Variants in RPS6KA3 observed in about 807,000 individuals in gnomAD.
RPS6KA3 encodes ribosomal protein S6 kinase alpha-3.
Under a neutral mutation model 67.2 loss-of-function variants are expected in RPS6KA3, and 4 were observed. The ratio of observed to expected loss-of-function variants is 0.06; its 90% confidence interval spans 0.03 to 0.14. RPS6KA3 has a LOEUF of 0.14. Among genes scored for constraint, RPS6KA3 ranks in the 10% least tolerant of loss-of-function variants. RPS6KA3 has a pLI of 1.00. For synonymous variants in RPS6KA3, 182 were observed against 183.7 expected (o/e 0.99, Z 0.07); for missense variants, 204 against 559.0 (o/e 0.36, Z 6.40).
chrX:20,222,781 A>G (rs1347549654), intron 2 of RPS6KA3, among the ~76,000 whole-genome samples: 1 of 111,873 alleles, frequency 8.9e-6, no homozygotes, highest in East Asian at 2.8e-4. Context: ...AATAATCTTA[A>G]AACAGAAAGC....
In RPS6KA3 at chrX:20,183,310, C is replaced by T. The variant is rs770237779; in HGVS notation, c.845+2986G>A. ...GCATCCTTGACCTCCTGGGCTCAAG[C>T]GATTCTCCCACCTCAGCCTCCCAAG... On this transcript the variant is annotated intron_variant, in intron 10 of 21. Coordinates refer to ENST00000379565, the MANE Select transcript of RPS6KA3 (RefSeq NM_004586.3). Among the ~76,000 whole-genome samples the T allele has an allele frequency of 7.9e-4, 87 of 110,342 alleles. 1 individual carries two copies. Among genetic ancestry groups the T allele is most frequent in the African/African-American group, 2.8e-3 (85 of 30,325 alleles).
chrX:20,216,131 AACTT>A (rs1464240644), intron 2 of RPS6KA3, among the ~76,000 whole-genome samples: 2 of 112,162 alleles, frequency 1.8e-5, no homozygotes, highest in African/African-American at 6.5e-5. Flanking sequence ...TACCACAAAA[AACTT>A]ACTTTGTGCA....
At chrX:20,236,220 T>A (rs1352575955) in intron 1 of RPS6KA3, among the ~76,000 whole-genome samples, 3 of 111,925 alleles carry the variant, frequency 2.7e-5, no homozygotes, top group African/African-American at 9.7e-5. Flanking sequence ...TATTTTTGCT[T>A]ATTTGAATAT....
At chrX:20,229,623 C>T (rs151095828) in intron 2 of RPS6KA3, among the ~76,000 whole-genome samples, 2 of 112,296 alleles carry the variant, frequency 1.8e-5, no homozygotes, top group African/African-American at 3.2e-5. Flanking sequence ...AACATCTCAA[C>T]GTTCCCTATG....
At chrX:20,194,353 C>T in intron 5 of RPS6KA3, 85 bp from the exon 6 acceptor site, 1 of 549,193 alleles carries the variant, frequency 1.8e-6, no homozygotes, top group Non-Finnish European at 3.1e-6. Context: ...AATATTTTAA[C>T]AAATTAATTA....
At chrX:20,171,073 C>G (rs979419966) in intron 15 of RPS6KA3, among the ~76,000 whole-genome samples, 2 of 112,291 alleles carry the variant, frequency 1.8e-5, no homozygotes, top group Non-Finnish European at 3.8e-5. Context: ...GACACTATGT[C>G]TGGCATGATT....
chrX:20,266,944 C>T, upstream of RPS6KA3: 1 of 708,262 alleles, frequency 1.4e-6, no homozygotes, highest in Non-Finnish European at 1.7e-6. Flanking sequence ...ACTACGGCTC[C>T]GCCCCCCCCG....
intron 4 of RPS6KA3, among the ~76,000 whole-genome samples, chrX:20,199,410 A>G (rs928423173): frequency 2.7e-5 from 3 of 112,136 alleles, no homozygotes; most frequent in Admixed American, 1.9e-4. Flanking sequence ...AAATAATCAG[A>G]GAACAAGAAA....
At position 20,212,781 on chromosome X, in the gene RPS6KA3, A is replaced by T. The variant is rs186480358; in HGVS notation, c.127-3377T>A. ...AGTGTCTCCCTTTGGTCCCTTCAGT[A>T]TAACAACCACATACCGAAACACTTA... On this transcript the variant is annotated intron_variant, in intron 2 of 21. Coordinates refer to ENST00000379565, the MANE Select transcript of RPS6KA3 (RefSeq NM_004586.3). 1.8e-4 allele frequency among the ~76,000 whole-genome samples: 20 copies of T among 111,466 alleles called. No individual in the cohort carries two copies. The East Asian group carries it at 4.0e-3, about 22-fold the overall frequency.
Position 20,187,894 on chromosome X carries a change from A to G in RPS6KA3, c.708T>C (p.Ala236=), listed in dbSNP as rs1375868770. The change falls in exon 9 of 22, where the codon GCT becomes GCC. Residue 236 remains alanine (A), a synonymous_variant. Transcript: ENST00000379565. ...YSFCGTVEYM[A]PEVVNRRGHT... ...GACCTCGACGATTAACTACTTCTGG[A>G]GCCATATACTCCACAGTTCCACAAA... The G allele has an allele frequency of 8.3e-7, 1 of 1,200,867 alleles. No homozygotes were observed. Among genetic ancestry groups the G allele is most frequent in the Non-Finnish European group, 1.1e-6 (1 of 885,664 alleles).
At chrX:20,263,034 T>C (rs1334331360) in intron 1 of RPS6KA3, among the ~76,000 whole-genome samples, 3 of 111,849 alleles carry the variant, frequency 2.7e-5, no homozygotes, top group Non-Finnish European at 5.7e-5. Flanking sequence ...GCATCATGGG[T>C]ACCTGTTATT....
chrX:20,172,531 G>A (rs1467707683), intron 15 of RPS6KA3, among the ~76,000 whole-genome samples: 1 of 111,543 alleles, frequency 9.0e-6, no homozygotes, highest in African/African-American at 3.3e-5. Flanking sequence ...CACTTGAGGT[G>A]TAAACTGCTA....
At chrX:20,266,988 A>T (rs1301603277), upstream of RPS6KA3, 1 of 743,703 alleles carries the variant, frequency 1.3e-6, no homozygotes, top group Non-Finnish European at 1.6e-6. Context: ...CAGAACAGCG[A>T]CCGCCGCGCG....
In RPS6KA3 at chrX:20,153,288, G is replaced by T. The variant is rs751632956; in HGVS notation, c.*2110C>A. On this transcript the variant is annotated 3_prime_UTR_variant, in exon 22 of 22. Coordinates refer to ENST00000379565, the MANE Select transcript of RPS6KA3 (RefSeq NM_004586.3). ...CTTTTAATAGCATCCATATATTCAA[G>T]AATTTGAAAATACTTTCTCTATCTA... The T allele has an allele frequency of 6.2e-5, 7 of 112,025 alleles. No homozygotes were observed. In the East Asian group the frequency reaches 1.1e-3, roughly 18 times the overall value. The allele number at this position is 112,025 out of a possible 1,213,427, so 9.2% of individuals were successfully genotyped here.
At position 20,175,496 on chromosome X, in the gene RPS6KA3, T is replaced by G. The variant is rs112508459; in HGVS notation, c.1103-208A>C. On this transcript the variant is annotated intron_variant, in intron 13 of 21. Transcript: ENST00000379565. Reference sequence around the variant, plus strand: ...ATTACAACACCAACATCCTAGTCCCTCGGAGCCTAGAAAATAGCTAATTCA... The same window carrying G: ...ATTACAACACCAACATCCTAGTCCCGCGGAGCCTAGAAAATAGCTAATTCA... Among the ~76,000 whole-genome samples the G allele has an allele frequency of 0.024, 2,656 of 111,736 alleles. 81 individuals are homozygous for G. The highest frequency in any genetic ancestry group is 0.082 in the African/African-American group (2,504 of 30,701).
At chrX:20,192,544 AAAC>A (rs1355985937) in intron 7 of RPS6KA3, among the ~76,000 whole-genome samples, 3 of 109,708 alleles carry the variant, frequency 2.7e-5, no homozygotes, top group Non-Finnish European at 5.7e-5. Flanking sequence ...TGCATAAATT[AAAC>A]AACATAAAGT....
At chrX:20,247,333 G>A (rs934668906) in intron 1 of RPS6KA3, among the ~76,000 whole-genome samples, 3 of 111,115 alleles carry the variant, frequency 2.7e-5, no homozygotes, top group African/African-American at 6.6e-5. Flanking sequence ...CAAAGGATTA[G>A]GCAGGAAAAT....
At chrX:20,165,930 A>G (rs144635821) in intron 17 of RPS6KA3, among the ~76,000 whole-genome samples, 1,285 of 111,603 alleles carry the variant, frequency 0.012, 6 homozygotes, top group Middle Eastern at 0.018. Flanking sequence ...AAGTCTCTCT[A>G]TATTTTTTCC....
intron 2 of RPS6KA3, among the ~76,000 whole-genome samples, chrX:20,231,807 G>A (rs1225923436): frequency 9.0e-6 from 1 of 111,043 alleles, no homozygotes; most frequent in African/African-American, 3.3e-5. Flanking sequence ...TGATGCCCGA[G>A]GCAGAGAGTG....
Sources: gnomAD v4.1 joint callset for allele counts (sites outside exome capture counted in the v4.1 genomes callset) on GRCh38, gnomAD v4.1.1 for gene constraint, MANE v1.5 for transcripts, NCBI Gene and HGNC (gene_info 2026-07-23, HGNC 2026-07-21) for gene names.